The following FOXN3 variants were observed in gnomAD, a reference collection of about 807,000 sequenced individuals.
The protein encoded by FOXN3 is forkhead box protein N3.
In FOXN3, 7 loss-of-function variants were observed where a neutral mutation model predicts 38.4. The observed-to-expected ratio is 0.18, with a 90% CI of 0.10 to 0.34. The LOEUF is 0.34. Ranked by LOEUF, FOXN3 falls within the 10% of genes least tolerant of loss-of-function variation. The pLI is 1.00. For missense variants in FOXN3, 456 were observed against 613.4 expected (o/e 0.74, Z 2.71); for synonymous variants, 230 against 242.2 (o/e 0.95, Z 0.47).
intron 4 of FOXN3, among the ~76,000 whole-genome samples, chr14:89,257,395 G>A (rs573343925): frequency 3.3e-4 from 50 of 152,320 alleles, no homozygotes; most frequent in African/African-American, 1.1e-3. Context: ...TTCCTTCCAC[G>A]AAGTTGGGCT....
At chr14:89,225,821 G>C (rs1884619407) in intron 4 of FOXN3, among the ~76,000 whole-genome samples, 1 of 152,086 alleles carries the variant, frequency 6.6e-6, no homozygotes, top group Non-Finnish European at 1.5e-5. Context: ...AAGGTTAACA[G>C]GATGTGAGTG....
At chr14:89,410,482 G>T (rs185092093) in intron 2 of FOXN3, among the ~76,000 whole-genome samples, 1 of 152,160 alleles carries the variant, frequency 6.6e-6, no homozygotes, top group Non-Finnish European at 1.5e-5. Context: ...TATCTTAACC[G>T]CGGCTGCATT....
intron 1 of FOXN3, among the ~76,000 whole-genome samples, chr14:89,556,575 T>C (rs1264853430): frequency 6.6e-6 from 1 of 151,956 alleles, no homozygotes; most frequent in African/African-American, 2.4e-5. Context: ...TACTGAATGA[T>C]GTGGGAGAGA....
chr14:89,540,888 C>T (rs1379411039), intron 1 of FOXN3, among the ~76,000 whole-genome samples: 2 of 152,026 alleles, frequency 1.3e-5, no homozygotes, highest in Non-Finnish European at 2.9e-5. Flanking sequence ...CTTAAAAATA[C>T]TTTTGTTGTG....
At chr14:89,224,864 C>T (rs957405973) in intron 4 of FOXN3, among the ~76,000 whole-genome samples, 6 of 152,140 alleles carry the variant, frequency 3.9e-5, no homozygotes, top group Non-Finnish European at 8.8e-5. Flanking sequence ...GGTGTGGTGG[C>T]TCACGCTTGT....
intron 2 of FOXN3, among the ~76,000 whole-genome samples, chr14:89,410,380 C>T (rs892215875): frequency 2.6e-5 from 4 of 152,188 alleles, no homozygotes; most frequent in African/African-American, 9.7e-5. Context: ...ACCAGCACCC[C>T]AGCTGCACAC....
At chr14:89,370,440 G>C (rs772151396) in intron 2 of FOXN3, among the ~76,000 whole-genome samples, 5 of 152,222 alleles carry the variant, frequency 3.3e-5, no homozygotes, top group Middle Eastern at 3.2e-3. Flanking sequence ...TTTCAAATAG[G>C]TTGGGATGGT....
In FOXN3 at chr14:89,494,403, C is replaced by T. The variant is rs138389176; in HGVS notation, c.-14-81913G>A. ...GATGTACTAAATACATATGGTACACCTGAAAATACGGATGGCTGAAATGAG... is the reference window on the plus strand; with the variant it reads ...GATGTACTAAATACATATGGTACACTTGAAAATACGGATGGCTGAAATGAG... On this transcript the variant is annotated intron_variant, in intron 1 of 6. Transcript: ENST00000345097. Among the ~76,000 whole-genome samples, 22 of 152,258 alleles carry T rather than the reference C, an allele frequency of 1.4e-4. 1 individual carries two copies. In the East Asian group the frequency reaches 4.0e-3, roughly 28 times the overall value.
intron 1 of FOXN3, among the ~76,000 whole-genome samples, chr14:89,463,790 T>C (rs1008456348): frequency 1.3e-5 from 2 of 151,258 alleles, no homozygotes; most frequent in African/African-American, 4.9e-5. Flanking sequence ...CTCTCTTTTT[T>C]TTTTTTTTTT....
At chr14:89,305,690 C>G (rs1004874549) in intron 3 of FOXN3, among the ~76,000 whole-genome samples, 6 of 152,110 alleles carry the variant, frequency 3.9e-5, no homozygotes, top group Non-Finnish European at 5.9e-5. Flanking sequence ...TAAATCTAGA[C>G]TAATTATAAA....
In FOXN3 at chr14:89,601,870, T is replaced by G. The variant is rs566697965; in HGVS notation, c.-15+17158A>C. 8.5e-5 allele frequency among the ~76,000 whole-genome samples: 13 copies of G among 152,268 alleles called. No individual in the cohort carries two copies. In the East Asian group the frequency reaches 2.5e-3, roughly 29 times the overall value. On this transcript the variant is annotated intron_variant, in intron 1 of 6. Coordinates refer to the FOXN3 transcript ENST00000345097. ...TCAATAGTACTAGCACTCGTAGACC[T>G]CAACAAATATTTCCAGGTAGAGTAA...
At chr14:89,296,993 G>T (rs1213591450) in intron 3 of FOXN3, among the ~76,000 whole-genome samples, 1 of 152,278 alleles carries the variant, frequency 6.6e-6, no homozygotes, top group East Asian at 1.9e-4. Context: ...CAGAATTTGG[G>T]CCTGCTGTGC....
intron 3 of FOXN3, among the ~76,000 whole-genome samples, chr14:89,334,003 TATATATGTATATAA>T (rs1888357117): frequency 1.7e-5 from 1 of 59,556 alleles, no homozygotes; most frequent in African/African-American, 5.5e-5. Flanking sequence ...TATATATATA[TATATATGTATATAA>T]ATGTGGTATA....
intron 3 of FOXN3, among the ~76,000 whole-genome samples, chr14:89,333,753 A>AC (rs1256630561): frequency 8.9e-5 from 12 of 134,628 alleles, no homozygotes; most frequent in South Asian, 7.8e-4. Context: ...GACTATTAAA[A>AC]AAAAAAAAAA....
At chr14:89,457,487 C>T (rs528183604) in intron 1 of FOXN3, among the ~76,000 whole-genome samples, 1 of 152,298 alleles carries the variant, frequency 6.6e-6, no homozygotes, top group Non-Finnish European at 1.5e-5. Context: ...TGACCTTGGG[C>T]AAGCTACTTA....
chr14:89,509,478 GT>G (rs1189235753), intron 1 of FOXN3, among the ~76,000 whole-genome samples: 1 of 152,174 alleles, frequency 6.6e-6, no homozygotes, highest in African/African-American at 2.4e-5. Context: ...GGGATTACAG[GT>G]GCCCACCACC....
chr14:89,432,916 A>C (rs952832063), intron 1 of FOXN3, among the ~76,000 whole-genome samples: 2 of 152,106 alleles, frequency 1.3e-5, no homozygotes, highest in Non-Finnish European at 2.9e-5. Context: ...CCTGGGCTCA[A>C]GCGATTCTCC....
In FOXN3 at chr14:89,416,137, G is replaced by A. The variant is rs4899991; in HGVS notation, c.-15+734C>T. Among the ~76,000 whole-genome samples, 4 of 152,164 alleles carry A rather than the reference G, an allele frequency of 2.6e-5. No homozygotes were observed. In the East Asian group the frequency reaches 7.7e-4, roughly 29 times the overall value. On this transcript the variant is annotated intron_variant, in intron 1 of 5. Transcript: ENST00000557258. ...CCGCCCACCCAGCACGCGCGCGCGC[G>A]CACGCACGCGCTTCACTCTCGTCTA... is the stretch of plus-strand genomic sequence containing the variant.
At chr14:89,190,768 G>T (rs911784356) in intron 4 of FOXN3, among the ~76,000 whole-genome samples, 2 of 152,136 alleles carry the variant, frequency 1.3e-5, no homozygotes, top group Non-Finnish European at 2.9e-5. Context: ...CTTTTACCGT[G>T]GGGTGAGGAG....
Sources: gnomAD v4.1 joint callset for allele counts (sites outside exome capture counted in the v4.1 genomes callset) on GRCh38, gnomAD v4.1.1 for gene constraint, MANE v1.5 for transcripts, NCBI Gene and HGNC (gene_info 2026-07-23, HGNC 2026-07-21) for gene names.